ASH1L: variants seen among roughly 807,000 people sequenced by gnomAD.
ASH1L encodes the protein histone-lysine N-methyltransferase ASH1L.
In ASH1L, 23 loss-of-function variants were observed where a neutral mutation model predicts 269.0. That is an observed-to-expected ratio of 0.09 (90% confidence interval 0.06 to 0.12). The LOEUF (loss-of-function observed/expected upper bound fraction) is 0.12, where lower values mean the gene tolerates loss of function less well. Among genes scored for constraint, ASH1L ranks in the 10% least tolerant of loss-of-function variants. The pLI, the probability that ASH1L is intolerant of heterozygous loss-of-function variation, is 1.00. For missense variants in ASH1L, 2,912 were observed against 3,567.8 expected (o/e 0.82, Z 4.68); for synonymous variants, 1,187 against 1,253.5 (o/e 0.95, Z 1.12).
Position 155,482,340 on chromosome 1 carries a change from T to C in ASH1L, c.530A>G (p.Lys177Arg), listed in dbSNP as rs1382674465. ...CATTTCTGAGTGTACTGGAGACAGC[T>C]TCTTAGACAAAGGATTGTTTTCTCC... ...SQGENNPLSK[K>R]LSPVHSEMAD... Residue 177 changes from lysine (K) to arginine (R), a missense_variant, in exon 3 of 28, where the codon AAG becomes AGG. Lys to Arg is a conservative substitution (Grantham distance 26, BLOSUM62 2). Around this residue, in one of 13 missense-constraint regions of ASH1L, gnomAD observed 277 missense variants for 367.7 expected, o/e 0.75. Coordinates refer to ENST00000392403, the MANE Select transcript of ASH1L (RefSeq NM_018489.3). The C allele has an allele frequency of 6.2e-7, 1 of 1,614,062 alleles. No individual in the cohort carries two copies. Among genetic ancestry groups the C allele is most frequent in the East Asian group, 2.2e-5 (1 of 44,904 alleles).
chr1:155,466,702 C>T (rs1379975543), intron 3 of ASH1L, among the ~76,000 whole-genome samples: 2 of 152,142 alleles, frequency 1.3e-5, no homozygotes, highest in African/African-American at 4.8e-5. Flanking sequence ...ATTTCTGTGT[C>T]AGGAACATTT....
At position 155,360,319 on chromosome 1, in the gene ASH1L, G is replaced by C. The variant is rs746392975; in HGVS notation, c.6777C>G (p.Ser2259=). The C allele has an allele frequency of 1.6e-5, 25 of 1,611,562 alleles. No homozygotes were observed. The highest frequency in any genetic ancestry group is 2.1e-5 in the Non-Finnish European group (25 of 1,177,760). ...TELTYDYNFH[S]FNVEKQQLCK... is the part of the protein sequence containing the mutation. The stretch of plus-strand genomic sequence containing the variant: ...TTCTTACCTGTTTTTCCACATTGAA[G>C]GAATGAAAGTTATAATCATAAGTGA... The change falls in exon 13 of 28, where the codon TCC becomes TCG. Residue 2259 remains serine, a synonymous_variant. Transcript: ENST00000392403.
At chr1:155,439,437 T>C (rs1432634348) in intron 4 of ASH1L, among the ~76,000 whole-genome samples, 2 of 152,126 alleles carry the variant, frequency 1.3e-5, no homozygotes, top group Non-Finnish European at 2.9e-5. Context: ...GTGGCTCATG[T>C]CTGTAATCCC....
At chr1:155,509,210 T>C (rs966354188) in intron 2 of ASH1L, among the ~76,000 whole-genome samples, 6 of 152,194 alleles carry the variant, frequency 3.9e-5, no homozygotes, top group Admixed American at 3.9e-4. Flanking sequence ...CCGGGTGCCA[T>C]GGCTCACACC....
chr1:155,491,345 C>T (rs186920140), intron 2 of ASH1L, among the ~76,000 whole-genome samples: 1 of 152,142 alleles, frequency 6.6e-6, no homozygotes, highest in Admixed American at 6.5e-5. Flanking sequence ...CAAGCAATCT[C>T]CTGCCTCAGC....
intron 13 of ASH1L, among the ~76,000 whole-genome samples, chr1:155,358,233 G>A (rs1282184153): frequency 1.3e-5 from 2 of 152,124 alleles, no homozygotes; most frequent in Non-Finnish European, 2.9e-5. Context: ...AGAAATGATG[G>A]ATTAAATTTT....
chr1:155,349,708 T>G, intron 17 of ASH1L, 112 bp from the exon 18 acceptor site: 7 of 526,802 alleles, frequency 1.3e-5, no homozygotes, highest in Non-Finnish European at 2.3e-5. Context: ...AAAATCCAAG[T>G]CTTTTTTTTT....
chr1:155,403,157 T>C (rs1189232963), intron 6 of ASH1L, among the ~76,000 whole-genome samples: 1 of 151,256 alleles, frequency 6.6e-6, no homozygotes, highest in East Asian at 1.9e-4. Flanking sequence ...TGCACTCCAG[T>C]CTGGGTGACA....
intron 5 of ASH1L, among the ~76,000 whole-genome samples, chr1:155,435,502 G>C (rs895409292): frequency 2.6e-5 from 4 of 152,012 alleles, no homozygotes; most frequent in Non-Finnish European, 5.9e-5. Context: ...CATGTGAAAA[G>C]AGACTTTTAC....
chr1:155,368,175 T>A (rs1655608433), intron 12 of ASH1L, among the ~76,000 whole-genome samples: 1 of 152,120 alleles, frequency 6.6e-6, no homozygotes, highest in Non-Finnish European at 1.5e-5. Context: ...ATCTTTAAAT[T>A]TTTGTTGAGA....
Position 155,452,769 on chromosome 1 carries a change from C to T in ASH1L, c.5086+7028G>A, listed in dbSNP as rs181131829. Among the ~76,000 whole-genome samples the T allele has an allele frequency of 2.4e-3, 365 of 152,222 alleles. 1 individual carries two copies. The Middle Eastern group carries it at 0.031, about 13-fold the overall frequency. On this transcript the variant is annotated intron_variant, in intron 4 of 27. Transcript: ENST00000392403. Reference sequence around the variant, plus strand: ...ATGGGGTTTTGCCATGTTGGCCAGGCTGCCCTCGAACTCCTGGCCTCAAGT... The same window carrying T: ...ATGGGGTTTTGCCATGTTGGCCAGGTTGCCCTCGAACTCCTGGCCTCAAGT...
At chr1:155,453,860 T>G (rs904754151) in intron 4 of ASH1L, among the ~76,000 whole-genome samples, 3 of 151,908 alleles carry the variant, frequency 2.0e-5, no homozygotes, top group African/African-American at 7.3e-5. Flanking sequence ...CCCAGCACTT[T>G]GGGAGGCTGA....
chr1:155,563,167 C>T (rs1672170510), upstream of ASH1L: 1 of 456,880 alleles, frequency 2.2e-6, no homozygotes, highest in Admixed American at 2.4e-5. Flanking sequence ...CTGCCTAGCG[C>T]CCCTCTGCCC....
At chr1:155,508,818 C>T (rs1667982864) in intron 2 of ASH1L, among the ~76,000 whole-genome samples, 1 of 152,090 alleles carries the variant, frequency 6.6e-6, no homozygotes, top group Admixed American at 6.6e-5. Flanking sequence ...GAAGCTCCAA[C>T]AGGACCAAAA....
Position 155,497,885 on chromosome 1 carries a change from G to T in ASH1L, c.421-15436C>A, listed in dbSNP as rs186361447. Among the ~76,000 whole-genome samples the T allele has an allele frequency of 7.0e-3, 1,062 of 152,116 alleles. 8 individuals are homozygous for T. Among genetic ancestry groups the T allele is most frequent in the African/African-American group, 0.024 (1,013 of 41,494 alleles). ...CTGCCTCAGCCTCCTGAGTAGCTGG[G>T]ACTACAGGCGCCTGCCACCAGGCAT... On this transcript the variant is annotated intron_variant, in intron 2 of 27. Coordinates refer to ENST00000392403, the MANE Select transcript of ASH1L (RefSeq NM_018489.3).
chr1:155,387,933 C>A (rs552926931), intron 7 of ASH1L, among the ~76,000 whole-genome samples: 1 of 152,048 alleles, frequency 6.6e-6, no homozygotes, highest in Non-Finnish European at 1.5e-5. Context: ...TGGCTCTTGG[C>A]TTAACTGTTA....
At chr1:155,541,691 A>G (rs1410693156) in intron 1 of ASH1L, among the ~76,000 whole-genome samples, 1 of 152,128 alleles carries the variant, frequency 6.6e-6, no homozygotes. Context: ...ATATTTATGT[A>G]CTCTATATAT....
intron 2 of ASH1L, among the ~76,000 whole-genome samples, chr1:155,499,029 A>G: frequency 6.6e-6 from 1 of 152,180 alleles, no homozygotes; most frequent in Non-Finnish European, 1.5e-5. Flanking sequence ...AGCAGACCAC[A>G]ATGGGCTTTT....
At chr1:155,512,132 T>C (rs1431385425) in intron 2 of ASH1L, among the ~76,000 whole-genome samples, 1 of 152,112 alleles carries the variant, frequency 6.6e-6, no homozygotes, top group African/African-American at 2.4e-5. Context: ...CTTATTCTCT[T>C]ATTTCCCTAT....
Sources: allele counts gnomAD v4.1 joint callset (sites outside exome capture counted in the v4.1 genomes callset), GRCh38; gene constraint gnomAD v4.1.1; regional missense constraint gnomAD v4.1.1; transcripts MANE v1.5; gene names NCBI Gene and HGNC (gene_info 2026-07-23, HGNC 2026-07-21).